The following SLC39A5 variants were observed in gnomAD, a reference collection of about 807,000 sequenced individuals.
The protein encoded by SLC39A5 is solute carrier family 39 member 5.
A neutral mutation model predicts 46.9 loss-of-function variants in SLC39A5; 42 were observed. The ratio of observed to expected loss-of-function variants is 0.90; its 90% CI spans 0.70 to 1.16. The LOEUF (loss-of-function observed/expected upper bound fraction) is 1.16, where lower values mean the gene tolerates loss of function less well. SLC39A5 is among the 50% of genes most tolerant of loss of function. The probability of loss-of-function intolerance (pLI) is 0.00; values close to 1 mark genes in which losing one functional copy is unlikely to be tolerated. For missense variants in SLC39A5, 677 were observed against 686.8 expected (o/e 0.99, Z 0.16); for synonymous variants, 311 against 323.1 (o/e 0.96, Z 0.40).
chr12:56,232,108 GTC>G (rs1235279054), intron 4 of SLC39A5, among the ~76,000 whole-genome samples: 1 of 148,486 alleles, frequency 6.7e-6, no homozygotes, highest in Non-Finnish European at 1.5e-5. Context: ...ACTGTTCAGT[GTC>G]TCTGGGCTGA....
intron 4 of SLC39A5, 69 bp from the exon 5 acceptor site, chr12:56,232,620 C>A: frequency 1.4e-6 from 2 of 1,426,188 alleles, no homozygotes; most frequent in Non-Finnish European, 1.9e-6. Flanking sequence ...CCTAAAATCC[C>A]TGGGAGCCTC....
rs1280763712 is a variant in SLC39A5, at chr12:56,236,700, C to T, written c.1161C>T (p.Val387=). ...HQGGTDITWM[V]LLGDGLHNLT... is the part of the protein sequence containing the mutation. The stretch of plus-strand genomic sequence containing the variant: ...GTGGCACTGATATCACGTGGATGGT[C>T]CTCCTGGGAGATGGTCTACACAACC... The change falls in exon 10 of 13, where the codon GTC becomes GTT. Residue 387 remains valine (V), a synonymous_variant. Transcript: ENST00000454355. 1.9e-6 allele frequency: 3 copies of T among 1,612,162 alleles called. No homozygotes were observed. Among genetic ancestry groups the T allele is most frequent in the Non-Finnish European group, 2.5e-6 (3 of 1,178,786 alleles).
rs181720786 is a variant in SLC39A5 at position 56,231,625 on chromosome 12, A to G, written c.287+64A>G. On this transcript the variant is annotated intron_variant, in intron 4 of 12. Transcript: ENST00000454355. ...CCAGGTCCTCTCAGTGCTTGCCCCCAGTTGCCTCGTTCTGGCTTCCTCACG... is the reference window on the plus strand; with the variant it reads ...CCAGGTCCTCTCAGTGCTTGCCCCCGGTTGCCTCGTTCTGGCTTCCTCACG... The G allele has an allele frequency of 2.7e-6, 4 of 1,469,856 alleles. No individual in the cohort carries two copies. In the Admixed American group the frequency reaches 9.8e-5, roughly 36 times the overall value. The allele number at this position is 1,469,856 out of a possible 1,614,324, so 91.1% of individuals were successfully genotyped here.
intron 8 of SLC39A5, among the ~76,000 whole-genome samples, chr12:56,236,167 G>T (rs1028744011): frequency 6.6e-6 from 1 of 152,216 alleles, no homozygotes; most frequent in East Asian, 1.9e-4. Flanking sequence ...GTGGGTAGGG[G>T]CTCCTTAAGC....
At position 56,235,673 on chromosome 12, in the gene SLC39A5, G is replaced by A. The variant is rs930724734; in HGVS notation, c.918G>A (p.Gly306=). ...FLLFVLENML[G]LLRHRGLRPR... ...TCTTTGTGCTGGAGAACATGCTGGG[G>A]CTTTTGCGGCACCGAGGGCTCAGGC... Residue 306 remains glycine, a synonymous_variant, in exon 8 of 13, where the codon GGG becomes GGA. Coordinates refer to ENST00000454355, the MANE Select transcript of SLC39A5 (RefSeq NM_173596.3). 2 of 1,613,958 alleles carry A rather than the reference G, an allele frequency of 1.2e-6. No homozygotes were observed. Among genetic ancestry groups the A allele is most frequent in the Admixed American group, 3.3e-5 (2 of 59,982 alleles).
intron 11 of SLC39A5, 36 bp downstream of exon 11, chr12:56,237,047 G>A: frequency 6.2e-7 from 1 of 1,613,736 alleles, no homozygotes; most frequent in Non-Finnish European, 8.5e-7. Context: ...GTGGACTCCA[G>A]AAAGGAGATA....
In SLC39A5 at chr12:56,237,024, G is replaced by A. The variant is rs1870858109; in HGVS notation, c.1288+13G>A. On this transcript the variant is annotated intron_variant, in intron 11 of 12. Coordinates refer to ENST00000454355, the MANE Select transcript of SLC39A5 (RefSeq NM_173596.3). ...CCCCACGAACTGGGTAGGAATGGCA[G>A]GAGCAGGGTGGGGTGGACTCCAGAA... 2 of 1,613,928 alleles carry A rather than the reference G, an allele frequency of 1.2e-6. No individual in the cohort carries two copies. The highest frequency in any genetic ancestry group is 3.3e-5 in the Admixed American group (2 of 59,996).
chr12:56,233,255 A>C (rs1870405359), intron 5 of SLC39A5, among the ~76,000 whole-genome samples: 3 of 120,192 alleles, frequency 2.5e-5, no homozygotes, highest in South Asian at 6.5e-4. Flanking sequence ...CAAGAGGGAG[A>C]CTCTGTCTCA....
At position 56,237,133 on chromosome 12, in the gene SLC39A5, T is replaced by C; in HGVS notation, c.1289-17T>C. The C allele has an allele frequency of 1.2e-6, 2 of 1,613,752 alleles. No individual in the cohort carries two copies. The highest frequency in any genetic ancestry group is 1.7e-6 in the Non-Finnish European group (2 of 1,179,990). ...CCCCAGCTTACTCCCTCCCATCCTG[T>C]CCTCTGTCTCCAATAGGTGACTTTG... On this transcript the variant is annotated splice_polypyrimidine_tract_variant and intron_variant, in intron 11 of 12. Coordinates refer to ENST00000454355, the MANE Select transcript of SLC39A5 (RefSeq NM_173596.3).
chr12:56,235,073 T>G (rs1870600980), intron 6 of SLC39A5, 84 bp from the exon 7 acceptor site: 1 of 1,584,924 alleles, frequency 6.3e-7, no homozygotes, highest in South Asian at 1.2e-5. Context: ...GTCCTGCCTC[T>G]CCTTGTAGTG....
intron 4 of SLC39A5, among the ~76,000 whole-genome samples, chr12:56,231,908 AC>A (rs1177852845): frequency 1.2e-4 from 18 of 151,216 alleles, no homozygotes; most frequent in Non-Finnish European, 4.4e-5. Context: ...AAAATTTTTT[AC>A]AGAGACAAGG....
chr12:56,234,527 C>A (rs1219362334), intron 5 of SLC39A5, among the ~76,000 whole-genome samples: 1 of 151,988 alleles, frequency 6.6e-6, no homozygotes, highest in Non-Finnish European at 1.5e-5. Context: ...GTTGCCCAGG[C>A]TGGTCTCGAA....
chr12:56,232,929 T>C, intron 5 of SLC39A5, 57 bp downstream of exon 5: 2 of 1,513,820 alleles, frequency 1.3e-6, no homozygotes, highest in South Asian at 2.5e-5. Flanking sequence ...GCCTGAAATG[T>C]TTAAATAATC....
Position 56,237,157 on chromosome 12 carries a change from T to G in SLC39A5, c.1296T>G (p.Phe432Leu), listed in dbSNP as rs1455675637. The change falls in exon 12 of 13, where the codon TTT becomes TTG. Residue 432 changes from phenylalanine to leucine, a missense_variant. Coordinates refer to ENST00000454355, the MANE Select transcript of SLC39A5 (RefSeq NM_173596.3). ...CHELPHELGD[F>L]AMLLQSGLSF... ...GTCCTCTGTCTCCAATAGGTGACTT[T>G]GCCATGCTGCTCCAGTCAGGGCTGT... 6.2e-7 allele frequency: 1 copy of G among 1,613,830 alleles called. No individual in the cohort carries two copies. The highest frequency in any genetic ancestry group is 8.5e-7 in the Non-Finnish European group (1 of 1,179,996).
At chr12:56,234,734 A>G in intron 5 of SLC39A5, 90 bp from the exon 6 acceptor site, 1 of 1,414,720 alleles carries the variant, frequency 7.1e-7, no homozygotes, top group Middle Eastern at 1.8e-4. Context: ...GGCTGGGATT[A>G]TAGGTGTGAG....
rs889834890 is a variant in SLC39A5, at chr12:56,237,792, G to A, written c.*61G>A. ...TCCCCCCAACCACAGGAATGGAGGC[G>A]GGACACAGGGCCAGTAGGAGCAATA... On this transcript the variant is annotated 3_prime_UTR_variant, in exon 13 of 13. Transcript: ENST00000454355. The A allele has an allele frequency of 1.5e-5, 23 of 1,487,962 alleles. No homozygotes were observed. The highest frequency in any genetic ancestry group is 8.5e-5 in the African/African-American group (6 of 70,592). The allele number at this position is 1,487,962 out of a possible 1,614,324, so 92.2% of individuals were successfully genotyped here.
rs532007874 is a variant in SLC39A5, at chr12:56,232,987, C to T, written c.471+115C>T. ...TTTTTAAATCCCAACGTGGACCAAG[C>T]GTGGTGGCTCACGCCTGTAATCCCA... On this transcript the variant is annotated intron_variant, in intron 5 of 12. Transcript: ENST00000454355. 1,018 of 1,091,304 alleles carry T rather than the reference C, an allele frequency of 9.3e-4. 5 individuals are homozygous for T. Among genetic ancestry groups the T allele is most frequent in the Middle Eastern group, 2.2e-3 (9 of 4,168 alleles). The allele number at this position is 1,091,304 out of a possible 1,614,324, so 67.6% of individuals were successfully genotyped here. A position where few individuals can be genotyped will look rare whatever the true frequency, so the allele number is the denominator to read the frequency against.
chr12:56,234,788 T>C, intron 5 of SLC39A5, 36 bp from the exon 6 acceptor site: 1 of 1,611,238 alleles, frequency 6.2e-7, no homozygotes, highest in Non-Finnish European at 8.5e-7. Context: ...TCATAGTTCC[T>C]GGTGATTCTC....
At chr12:56,233,597 T>C (rs1314482398) in intron 5 of SLC39A5, among the ~76,000 whole-genome samples, 1 of 152,122 alleles carries the variant, frequency 6.6e-6, no homozygotes, top group Admixed American at 6.5e-5. Flanking sequence ...TTTAGGGGAA[T>C]AGATGGCAAA....
Sources: gnomAD v4.1 joint callset for allele counts (sites outside exome capture counted in the v4.1 genomes callset) on GRCh38, gnomAD v4.1.1 for gene constraint, MANE v1.5 for transcripts, NCBI Gene and HGNC (gene_info 2026-07-23, HGNC 2026-07-21) for gene names.